The following SOX5 variants were observed in gnomAD, a reference collection of about 807,000 sequenced individuals.
The protein encoded by SOX5 is SRY-box transcription factor 5.
A neutral mutation model predicts 92.0 loss-of-function variants in SOX5; 9 were observed. The ratio of observed to expected loss-of-function variants is 0.10; its 90% confidence interval spans 0.06 to 0.17. SOX5 has a LOEUF of 0.17. Ranked by LOEUF, SOX5 falls within the 10% of genes least tolerant of loss-of-function variation. SOX5 has a pLI of 1.00. For missense variants in SOX5, 642 were observed against 944.5 expected, an observed-to-expected ratio of 0.68 and a Z score of 4.20; for synonymous variants, 344 against 336.3, an observed-to-expected ratio of 1.02 and a Z score of -0.25.
At chr12:23,948,088 T>C (rs983340499) in intron 1 of SOX5, among the ~76,000 whole-genome samples, 20 of 152,066 alleles carry the variant, frequency 1.3e-4, no homozygotes, top group African/African-American at 3.6e-4. Flanking sequence ...CTACCTATGA[T>C]ATAAGGCTAT....
chr12:23,650,620 G>C (rs138851856), intron 7 of SOX5, among the ~76,000 whole-genome samples: 1 of 152,170 alleles, frequency 6.6e-6, no homozygotes, highest in Non-Finnish European at 1.5e-5. Context: ...CTTCAAGCTT[G>C]GGGGAGCCCC....
At chr12:23,761,977 T>C (rs1167419405) in intron 3 of SOX5, among the ~76,000 whole-genome samples, 1 of 152,158 alleles carries the variant, frequency 6.6e-6, no homozygotes. Flanking sequence ...TTTATTAAGT[T>C]ATGTATAATA....
intron 6 of SOX5, among the ~76,000 whole-genome samples, chr12:23,687,640 G>T (rs2087846634): frequency 6.6e-6 from 1 of 151,990 alleles, no homozygotes; most frequent in Non-Finnish European, 1.5e-5. Context: ...GGGTCCTATG[G>T]TTGGCTGATG....
Position 23,536,500 on chromosome 12 carries a change from T to G in SOX5, c.1941A>C (p.Ala647=), listed in dbSNP as rs973733619. ...TTTCCTGCCGCCTGTTGCGCATGATTGCCTTGTATTCACCAATGCGCAGCT... is the reference window on the plus strand; with the variant it reads ...TTTCCTGCCGCCTGTTGCGCATGATGGCCTTGTATTCACCAATGCGCAGCT... ...GKKLRIGEYK[A]IMRNRRQEMR... is the part of the protein sequence containing the mutation. Residue 647 remains alanine (A), a synonymous_variant, in exon 14 of 15, where the codon GCA becomes GCC. Coordinates refer to ENST00000451604, the MANE Select transcript of SOX5 (RefSeq NM_006940.6). 3.1e-6 allele frequency: 5 copies of G among 1,614,082 alleles called. No individual in the cohort carries two copies. In the Admixed American group the frequency reaches 5.0e-5, roughly 16 times the overall value.
At chr12:23,907,118 CCT>C (rs1449874180) in intron 1 of SOX5, among the ~76,000 whole-genome samples, 1 of 152,026 alleles carries the variant, frequency 6.6e-6, no homozygotes, top group Non-Finnish European at 1.5e-5. Flanking sequence ...GTTGAATAAA[CCT>C]GTCAGGCCTA....
intron 9 of SOX5, among the ~76,000 whole-genome samples, chr12:23,579,285 A>G (rs1004648224): frequency 1.3e-5 from 2 of 152,336 alleles, no homozygotes; most frequent in East Asian, 3.9e-4. Flanking sequence ...CCCCAAGGAC[A>G]TAACAGAGGT....
intron 3 of SOX5, among the ~76,000 whole-genome samples, chr12:23,842,970 C>A (rs1467517687): frequency 6.6e-6 from 1 of 152,060 alleles, no homozygotes; most frequent in East Asian, 1.9e-4. Context: ...CTACTTGAGC[C>A]AATGATCAAG....
chr12:23,886,273 C>T (rs1452286137), intron 2 of SOX5, among the ~76,000 whole-genome samples: 1 of 152,138 alleles, frequency 6.6e-6, no homozygotes, highest in Non-Finnish European at 1.5e-5. Context: ...AAATCCAATA[C>T]TAGACTCCCT....
At chr12:23,877,820 A>C (rs565354533) in intron 2 of SOX5, among the ~76,000 whole-genome samples, 51 of 152,150 alleles carry the variant, frequency 3.4e-4, no homozygotes, top group South Asian at 8.3e-4. Context: ...ATAATTTATC[A>C]TATTTCCATA....
In SOX5 at chr12:24,326,743, A is replaced by G. The variant is rs1046116439; in HGVS notation, c.-174+41820T>C. ...GCCTTTCCTAGCTACTCTATTTAAA[A>G]TTTTGTGTTTGTACAGGTCTACCCA... On this transcript the variant is annotated intron_variant, in intron 2 of 4. Transcript: ENST00000446891. 4.0e-5 allele frequency among the ~76,000 whole-genome samples: 6 copies of G among 149,376 alleles called. No homozygotes were observed. In the South Asian group the frequency reaches 6.4e-4, roughly 16 times the overall value.
At chr12:24,426,780 C>A (rs1354673520) in intron 1 of SOX5, among the ~76,000 whole-genome samples, 1 of 152,202 alleles carries the variant, frequency 6.6e-6, no homozygotes, top group African/African-American at 2.4e-5. Flanking sequence ...TTGCAGTACA[C>A]TACTAAGTCT....
chr12:23,873,527 C>G (rs933035868), intron 2 of SOX5, among the ~76,000 whole-genome samples: 2 of 152,010 alleles, frequency 1.3e-5, no homozygotes, highest in Non-Finnish European at 2.9e-5. Flanking sequence ...AAAAATAAAC[C>G]ACTTGTTTAC....
intron 4 of SOX5, among the ~76,000 whole-genome samples, chr12:24,094,548 T>C (rs1001888635): frequency 2.0e-5 from 3 of 152,014 alleles, no homozygotes; most frequent in African/African-American, 7.2e-5. Context: ...GTTTCCTTTA[T>C]GAAATCCTTC....
intron 1 of SOX5, among the ~76,000 whole-genome samples, chr12:24,380,735 T>A (rs1957743033): frequency 6.6e-6 from 1 of 151,980 alleles, no homozygotes; most frequent in Non-Finnish European, 1.5e-5. Context: ...CTTGATATAT[T>A]TTTTTTAAAG....
Position 24,236,252 on chromosome 12 carries a change from G to A in SOX5, c.-76-22835C>T, listed in dbSNP as rs539830889. On this transcript the variant is annotated intron_variant, in intron 3 of 4. Coordinates refer to the SOX5 transcript ENST00000446891. ...AATAAAATAAAGAAGTAACAGTGAC[G>A]AATCAGGTGAAAGAACTTGTGTCAT... Among the ~76,000 whole-genome samples the A allele has an allele frequency of 2.0e-5, 3 of 152,156 alleles. No individual in the cohort carries two copies. In the South Asian group the frequency reaches 6.2e-4, roughly 32 times the overall value.
chr12:24,104,700 C>G (rs1468885248), intron 4 of SOX5, among the ~76,000 whole-genome samples: 1 of 152,188 alleles, frequency 6.6e-6, no homozygotes, highest in Non-Finnish European at 1.5e-5. Flanking sequence ...GCCCCAGCAA[C>G]AGAAACAGTC....
intron 3 of SOX5, among the ~76,000 whole-genome samples, chr12:24,264,363 A>G (rs1565783540): frequency 6.6e-6 from 1 of 152,138 alleles, no homozygotes; most frequent in Non-Finnish European, 1.5e-5. Context: ...TTGAAAAGTT[A>G]TATTTTTCCT....
intron 6 of SOX5, among the ~76,000 whole-genome samples, chr12:23,717,660 C>T (rs1482637033): frequency 6.6e-6 from 1 of 152,180 alleles, no homozygotes; most frequent in East Asian, 1.9e-4. Context: ...ATCATTATAA[C>T]AGATGATGTG....
At chr12:23,664,322 C>CATATAT (rs34331621) in intron 7 of SOX5, among the ~76,000 whole-genome samples, 5,460 of 149,988 alleles carry the variant, frequency 0.036, 201 homozygotes, top group African/African-American at 0.1. Context: ...AATTCATTAA[C>CATATAT]ATATATATAT....
Sources: allele counts gnomAD v4.1 joint callset (sites outside exome capture counted in the v4.1 genomes callset), GRCh38; gene constraint gnomAD v4.1.1; transcripts MANE v1.5; gene names NCBI Gene and HGNC (gene_info 2026-07-23, HGNC 2026-07-21).